LRBA: variants seen among roughly 807,000 people sequenced by gnomAD.
The protein encoded by LRBA is lipopolysaccharide-responsive and beige-like anchor protein.
In LRBA, 176 loss-of-function variants were observed where a neutral mutation model predicts 330.0. The observed-to-expected ratio is 0.53, with a 90% CI of 0.47 to 0.60. The LOEUF (loss-of-function observed/expected upper bound fraction) is 0.60, where lower values mean the gene tolerates loss of function less well. Ranked by LOEUF, LRBA falls within the 20% of genes least tolerant of loss-of-function variation. The pLI is 0.00. For missense variants in LRBA, 3,259 were observed against 3,444.8 expected, an observed-to-expected ratio of 0.95 and a Z score of 1.35; for synonymous variants, 1,230 against 1,193.0, an observed-to-expected ratio of 1.03 and a Z score of -0.64.
chr4:150,849,022 T>TTA (rs112706915), intron 25 of LRBA, 24 bp from the exon 26 acceptor site: 1,809 of 1,456,340 alleles, frequency 1.2e-3, no homozygotes, highest in African/African-American at 1.7e-3. Flanking sequence ...AGTTTGACAT[T>TTA]TATATATATA....
intron 30 of LRBA, 80 bp downstream of exon 30, chr4:150,828,100 G>T: frequency 2.3e-6 from 3 of 1,309,566 alleles, no homozygotes; most frequent in Non-Finnish European, 3.2e-6. Flanking sequence ...CGGCTACACA[G>T]GGCGTCATCA....
At chr4:150,678,972 A>T (rs186102977) in intron 37 of LRBA, among the ~76,000 whole-genome samples, 231 of 152,252 alleles carry the variant, frequency 1.5e-3, no homozygotes, top group African/African-American at 5.4e-3. Flanking sequence ...TTTCACTACA[A>T]ATTCATTGAT....
intron 4 of LRBA, among the ~76,000 whole-genome samples, chr4:150,924,237 C>T (rs1328422067): frequency 1.3e-5 from 2 of 152,092 alleles, no homozygotes; most frequent in Non-Finnish European, 2.9e-5. Context: ...GTAGACCAGG[C>T]ACAGTGGTTC....
chr4:150,674,189 G>GT (rs34337397), intron 37 of LRBA, among the ~76,000 whole-genome samples: 7,079 of 146,932 alleles, frequency 0.048, 223 homozygotes, highest in Middle Eastern at 0.11. Context: ...TGGTTTTGGG[G>GT]TTTTTTTTTT....
intron 40 of LRBA, chr4:150,579,238 CAG>C (rs1561379309): frequency 2.2e-6 from 1 of 456,632 alleles, no homozygotes; most frequent in South Asian, 1.5e-5. Flanking sequence ...GCAGAGGTGA[CAG>C]GGGCTCTTCA....
At chr4:150,331,619 T>G (rs1734014855) in intron 48 of LRBA, among the ~76,000 whole-genome samples, 1 of 152,116 alleles carries the variant, frequency 6.6e-6, no homozygotes, top group Admixed American at 6.6e-5. Context: ...AACAATTTAT[T>G]TTTTTTAACT....
intron 25 of LRBA, 120 bp from the exon 26 acceptor site, chr4:150,849,118 A>G (rs1278752541): frequency 6.0e-6 from 4 of 664,024 alleles, no homozygotes; most frequent in East Asian, 2.8e-5. Context: ...CTAGTAACAC[A>G]GAGTGATTTA....
chr4:150,656,195 T>C (rs1318635606), intron 37 of LRBA, among the ~76,000 whole-genome samples: 1 of 152,222 alleles, frequency 6.6e-6, no homozygotes, highest in African/African-American at 2.4e-5. Context: ...TTTGCTTGTT[T>C]TTGGTGTTGC....
intron 40 of LRBA, among the ~76,000 whole-genome samples, chr4:150,504,956 A>G (rs1383513942): frequency 6.6e-6 from 1 of 152,216 alleles, no homozygotes; most frequent in Non-Finnish European, 1.5e-5. Context: ...CTTTAAACCA[A>G]CAAAGATCAA....
At chr4:150,391,331 C>T (rs890548690) in intron 47 of LRBA, among the ~76,000 whole-genome samples, 2 of 152,174 alleles carry the variant, frequency 1.3e-5, no homozygotes, top group Admixed American at 1.3e-4. Flanking sequence ...CAGGAAGAAA[C>T]TTTCCATGTC....
intron 36 of LRBA, among the ~76,000 whole-genome samples, chr4:150,704,816 G>A (rs1052092099): frequency 6.6e-6 from 1 of 152,016 alleles, no homozygotes; most frequent in Non-Finnish European, 1.5e-5. Flanking sequence ...GTTAAATTCA[G>A]TCTATTTAAC....
intron 47 of LRBA, among the ~76,000 whole-genome samples, chr4:150,353,407 G>T (rs956418972): frequency 6.6e-6 from 1 of 152,144 alleles, no homozygotes; most frequent in Non-Finnish European, 1.5e-5. Context: ...CCATGGTGTT[G>T]TGATTTGAGA....
chr4:150,944,732 C>G (rs17505528), intron 2 of LRBA, among the ~76,000 whole-genome samples: 14,416 of 152,236 alleles, frequency 0.095, 899 homozygotes, highest in Non-Finnish European at 0.15. Flanking sequence ...TGTACTCTGG[C>G]ATGACTCTAT....
intron 47 of LRBA, among the ~76,000 whole-genome samples, chr4:150,411,692 A>C (rs1747031054): frequency 6.6e-6 from 1 of 152,188 alleles, no homozygotes; most frequent in Admixed American, 6.5e-5. Context: ...GAAAAGCAGA[A>C]ACCTGCCAAC....
chr4:150,322,708 C>T lies in LRBA; in HGVS notation c.7453-1340G>A, dbSNP rs189458160. Reference sequence around the variant, plus strand: ...AAATAAAGGCAACTAATAAGCTACCCGGACACCCTTCTGAGCAAGTGGCTA... The same window carrying T: ...AAATAAAGGCAACTAATAAGCTACCTGGACACCCTTCTGAGCAAGTGGCTA... On this transcript the variant is annotated intron_variant, in intron 49 of 56. Coordinates refer to ENST00000651943, the MANE Select transcript of LRBA (RefSeq NM_001364905.1). 4.6e-5 allele frequency among the ~76,000 whole-genome samples: 7 copies of T among 152,256 alleles called. No homozygotes were observed. In the East Asian group the frequency reaches 7.7e-4, roughly 17 times the overall value.
chr4:150,697,985 T>C (rs1443065111), intron 36 of LRBA, among the ~76,000 whole-genome samples: 1 of 152,190 alleles, frequency 6.6e-6, no homozygotes, highest in Non-Finnish European at 1.5e-5. Flanking sequence ...ACAGCACTAA[T>C]ATAAAAAGGT....
intron 42 of LRBA, among the ~76,000 whole-genome samples, chr4:150,475,513 C>A (rs1756611992): frequency 6.6e-6 from 1 of 152,028 alleles, no homozygotes; most frequent in Non-Finnish European, 1.5e-5. Context: ...TTTGGCAATT[C>A]TGTTTTTCTA....
intron 53 of LRBA, among the ~76,000 whole-genome samples, chr4:150,298,717 A>C (rs958910045): frequency 6.6e-6 from 1 of 152,080 alleles, no homozygotes; most frequent in African/African-American, 2.4e-5. Flanking sequence ...TAAAGGAGAA[A>C]GCTGACATAG....
intron 37 of LRBA, among the ~76,000 whole-genome samples, chr4:150,615,666 A>C (rs922167002): frequency 6.6e-6 from 1 of 152,200 alleles, no homozygotes; most frequent in Non-Finnish European, 1.5e-5. Flanking sequence ...TTTGGTTTTA[A>C]ACATGTTTTA....
Sources: gnomAD v4.1 joint callset for allele counts (sites outside exome capture counted in the v4.1 genomes callset) on GRCh38, gnomAD v4.1.1 for gene constraint, MANE v1.5 for transcripts, NCBI Gene and HGNC (gene_info 2026-07-23, HGNC 2026-07-21) for gene names.